Variants in INPP5D observed in about 807,000 individuals in gnomAD.
INPP5D encodes the protein inositol polyphosphate-5-phosphatase D, also known as phosphatidylinositol 3,4,5-trisphosphate 5-phosphatase 1.
A neutral mutation model predicts 122.9 loss-of-function variants in INPP5D; 33 were observed. The ratio of observed to expected loss-of-function variants is 0.27; its 90% CI spans 0.20 to 0.36. The LOEUF (loss-of-function observed/expected upper bound fraction) is 0.36, where lower values mean the gene tolerates loss of function less well. Among genes scored for constraint, INPP5D ranks in the 10% least tolerant of loss-of-function variants. The pLI is 1.00. For missense variants in INPP5D, 1,053 were observed against 1,412.7 expected (o/e 0.75, Z 4.08); for synonymous variants, 584 against 576.2 (o/e 1.01, Z -0.19).
chr2:233,130,994 C>T, intron 5 of INPP5D: 4 of 450,832 alleles, frequency 8.9e-6, no homozygotes, highest in South Asian at 7.6e-5. Flanking sequence ...TTTGCTGCAG[C>T]CATTACACCT....
chr2:233,153,359 T>C (rs1378681556), intron 9 of INPP5D, among the ~76,000 whole-genome samples: 1 of 152,202 alleles, frequency 6.6e-6, no homozygotes, highest in Non-Finnish European at 1.5e-5. Context: ...GTCATTTCCC[T>C]TTGGGGAGGC....
At chr2:233,152,297 C>T (rs1693943307) in intron 9 of INPP5D, among the ~76,000 whole-genome samples, 1 of 152,146 alleles carries the variant, frequency 6.6e-6, no homozygotes, top group Admixed American at 6.5e-5. Context: ...AGCTTCCTTA[C>T]CCTATTTTAA....
Position 233,075,711 on chromosome 2 carries a change from G to A in INPP5D, c.135-3624G>A, listed in dbSNP as rs574410392. On this transcript the variant is annotated intron_variant, in intron 1 of 26. Transcript: ENST00000445964. ...GCTTGGCAGAGCCTCCACACCCGTG[G>A]AATACAGTTTGGTACTACTGCTCAC... is the stretch of plus-strand genomic sequence containing the variant. Among the ~76,000 whole-genome samples, 119 of 152,234 alleles carry A rather than the reference G, an allele frequency of 7.8e-4. 1 individual carries two copies. Among genetic ancestry groups the A allele is most frequent in the African/African-American group, 2.7e-3 (114 of 41,540 alleles).
chr2:233,122,148 C>A lies in INPP5D; in HGVS notation c.240C>A (p.Asp80Glu), dbSNP rs1436258261. 6.2e-7 allele frequency: 1 copy of A among 1,613,946 alleles called. No homozygotes were observed. The highest frequency in any genetic ancestry group is 2.2e-5 in the East Asian group (1 of 44,880). The change falls in exon 3 of 27, where the codon GAC becomes GAA. Residue 80 changes from aspartate to glutamate, a missense_variant. Asp to Glu is a conservative substitution (Grantham distance 45, BLOSUM62 2). Around this residue, in one of 6 missense-constraint regions of INPP5D, gnomAD observed 74 missense variants for 146.6 expected, o/e 0.50. Coordinates refer to ENST00000445964, the MANE Select transcript of INPP5D (RefSeq NM_001017915.3). The part of the protein sequence containing the change: ...GVSMRFFTKL[D>E]QLIEFYKKEN... ...CCATGAGGTTCTTCACCAAGCTGGA[C>A]CAGCTCATCGAGTTTTACAAGAAGG... is the stretch of plus-strand genomic sequence containing the variant.
Position 233,161,896 on chromosome 2 carries a change from G to A in INPP5D, c.1240+70G>A. Reference sequence around the variant, plus strand: ...GCTTTCCTGACTCAGGCATCCTCAAGGTGGGGTGGAGTGACGACATCCATG... The same window carrying A: ...GCTTTCCTGACTCAGGCATCCTCAAAGTGGGGTGGAGTGACGACATCCATG... On this transcript the variant is annotated intron_variant, in intron 11 of 26. Transcript: ENST00000445964. 3 of 1,543,106 alleles carry A rather than the reference G, an allele frequency of 1.9e-6. No homozygotes were observed. The South Asian group carries it at 3.7e-5, about 19-fold the overall frequency.
chr2:233,173,456 T>C (rs1330816919), intron 17 of INPP5D, among the ~76,000 whole-genome samples: 1 of 152,220 alleles, frequency 6.6e-6, no homozygotes, highest in East Asian at 1.9e-4. Context: ...ATTTTTTATT[T>C]ATAAGCTTTT....
chr2:233,148,968 G>A (rs148967109), intron 9 of INPP5D, among the ~76,000 whole-genome samples: 92,517 of 151,906 alleles, frequency 0.61, 29,764 homozygotes, highest in East Asian at 0.98. Flanking sequence ...ATAAACAACC[G>A]ATATACTATA....
intron 9 of INPP5D, among the ~76,000 whole-genome samples, chr2:233,151,801 G>A (rs142911999): frequency 0.48 from 72,918 of 152,088 alleles, 17,889 homozygotes; most frequent in South Asian, 0.64. Context: ...TTGAGAGAAC[G>A]CATGCATGAA....
chr2:233,197,887 G>C lies in INPP5D; in HGVS notation c.2694-208G>C, dbSNP rs7569134. 0.19 allele frequency among the ~76,000 whole-genome samples: 29,385 copies of C among 152,090 alleles called. 3,017 individuals carry two copies. The highest frequency in any genetic ancestry group is 0.22 in the Non-Finnish European group (15,075 of 67,962). On this transcript the variant is annotated intron_variant, in intron 24 of 26. Transcript: ENST00000445964. This position sits in a 1 kb window ranked among gnomAD's most constrained non-coding sequence, Gnocchi z 4.4. ...ACTCACAGCCATATTCCCTCCTCCC[G>C]GCCTGGGGCCAGGTGCTTACGAGGC...
intron 8 of INPP5D, among the ~76,000 whole-genome samples, chr2:233,147,248 C>A (rs1057321081): frequency 6.6e-6 from 1 of 152,298 alleles, no homozygotes; most frequent in Non-Finnish European, 1.5e-5. Context: ...AACGGCTCCC[C>A]CACACACAGT....
chr2:233,106,350 G>T (rs1692469939), intron 2 of INPP5D, among the ~76,000 whole-genome samples: 1 of 152,224 alleles, frequency 6.6e-6, no homozygotes, highest in South Asian at 2.1e-4. Context: ...AGGCTGAAGG[G>T]CTGGAGTTTT....
chr2:233,081,117 G>T (rs1691677252), intron 2 of INPP5D, among the ~76,000 whole-genome samples: 1 of 152,238 alleles, frequency 6.6e-6, no homozygotes, highest in Non-Finnish European at 1.5e-5. Context: ...GTCACCAGGA[G>T]CAGATGTTGG....
intron 10 of INPP5D, among the ~76,000 whole-genome samples, chr2:233,159,730 G>A (rs1017947653): frequency 6.8e-6 from 1 of 147,116 alleles, no homozygotes; most frequent in Non-Finnish European, 1.5e-5. Flanking sequence ...AGCGCAATAA[G>A]GGTGTCCATC....
chr2:233,145,657 GT>G (rs746042672), intron 6 of INPP5D, among the ~76,000 whole-genome samples: 22 of 151,576 alleles, frequency 1.5e-4, no homozygotes, highest in South Asian at 8.4e-4. Context: ...GCAGATATGA[GT>G]TGAGGATGAG....
chr2:233,168,019 A>G (rs867524435), intron 13 of INPP5D, among the ~76,000 whole-genome samples: 3 of 119,062 alleles, frequency 2.5e-5, no homozygotes, highest in African/African-American at 8.2e-5. Flanking sequence ...AAAAAAAAAA[A>G]AAAAAAGAAA....
chr2:233,193,747 G>C, intron 22 of INPP5D, 65 bp from the exon 23 acceptor site: 1 of 1,611,382 alleles, frequency 6.2e-7, no homozygotes, highest in Non-Finnish European at 8.5e-7. Context: ...CTCCGGCCAA[G>C]AGTTTGGTGT....
rs553292331 is a variant in INPP5D at position 233,067,313 on chromosome 2, G to A, written c.134+6701G>A. On this transcript the variant is annotated intron_variant, in intron 1 of 26. Coordinates refer to ENST00000445964, the MANE Select transcript of INPP5D (RefSeq NM_001017915.3). ...TGGAAACATACAACATGTGGACTTT[G>A]GGGCCAGCTTCTTTCACTGAGCACA... Among the ~76,000 whole-genome samples, 51 of 152,300 alleles carry A rather than the reference G, an allele frequency of 3.3e-4. 1 individual carries two copies. Among genetic ancestry groups the A allele is most frequent in the African/African-American group, 1.1e-3 (44 of 41,556 alleles).
At chr2:233,198,461 T>G in intron 25 of INPP5D, 85 bp downstream of exon 25, 1 of 1,492,368 alleles carries the variant, frequency 6.7e-7, no homozygotes. Context: ...AATGGAAGCC[T>G]CATAAGGGCC....
chr2:233,158,401 T>C lies in INPP5D; in HGVS notation c.1119T>C (p.Tyr373=), dbSNP rs1306822057. Residue 373 remains tyrosine, a synonymous_variant, in exon 10 of 27, where the codon TAT becomes TAC. Transcript: ENST00000445964. ...TEKEKILRKE[Y]VFADSKKREG... Reference sequence around the variant, plus strand: ...AGGAGAAGATCCTGCGGAAGGAATATGTTTTTGCTGACTCCAAAGTAAGTG... The same window carrying C: ...AGGAGAAGATCCTGCGGAAGGAATACGTTTTTGCTGACTCCAAAGTAAGTG... 5 of 703,444 alleles carry C rather than the reference T, an allele frequency of 7.1e-6. No individual in the cohort carries two copies. Among genetic ancestry groups the C allele is most frequent in the South Asian group, 4.4e-5 (3 of 67,472 alleles). 43.6% of individuals were successfully genotyped at this position (703,444 alleles called of 1,614,324 possible). A position where few individuals can be genotyped will look rare whatever the true frequency, so the allele number is the denominator to read the frequency against.
Sources: allele counts gnomAD v4.1 joint callset (sites outside exome capture counted in the v4.1 genomes callset), GRCh38; gene constraint gnomAD v4.1.1; regional missense constraint gnomAD v4.1.1; non-coding constraint Gnocchi (gnomAD v3.1); transcripts MANE v1.5; gene names NCBI Gene and HGNC (gene_info 2026-07-23, HGNC 2026-07-21).